The following CDHR2 variants were observed in gnomAD, a reference collection of about 807,000 sequenced individuals.
CDHR2 encodes the protein cadherin-related family member 2.
Under a neutral mutation model 138.6 loss-of-function variants are expected in CDHR2, and 104 were observed. The ratio of observed to expected loss-of-function variants is 0.75; its 90% confidence interval spans 0.64 to 0.88. The LOEUF (loss-of-function observed/expected upper bound fraction) is 0.88, where lower values mean the gene tolerates loss of function less well. Ranked by LOEUF, CDHR2 falls within the 40% of genes least tolerant of loss-of-function variation. The pLI, the probability that CDHR2 is intolerant of heterozygous loss-of-function variation, is 0.00. For synonymous variants in CDHR2, 755 were observed against 742.8 expected (o/e 1.02, Z -0.27); for missense variants, 1,624 against 1,727.6 (o/e 0.94, Z 1.06).
Position 176,553,189 on chromosome 5 carries a change from C to T in CDHR2, c.-16+3775C>T, listed in dbSNP as rs1757746228. The stretch of plus-strand genomic sequence containing the variant: ...TCTCAACATCACATGTTTGTGGGCT[C>T]AGCATGACCTGTGGGAAAATCGGGC... On this transcript the variant is annotated intron_variant, in intron 1 of 31. Coordinates refer to ENST00000261944, the MANE Select transcript of CDHR2 (RefSeq NM_017675.6). This position sits in a 1 kb window ranked among gnomAD's most constrained non-coding sequence, Gnocchi z 4.3. Among the ~76,000 whole-genome samples, 1 of 152,106 alleles carries T rather than the reference C, an allele frequency of 6.6e-6. No individual in the cohort carries two copies. The highest frequency in any genetic ancestry group is 1.5e-5 in the Non-Finnish European group (1 of 68,016).
chr5:176,591,216 C>T lies in CDHR2; in HGVS notation c.3546C>T (p.Asn1182=), dbSNP rs764943749. Residue 1182 remains asparagine (N), a synonymous_variant, in exon 29 of 32, where the codon AAC becomes AAT. Transcript: ENST00000261944. ...CTCTTCCGGTTCCCCACAGCTACAA[C>T]CGGAAGCTTCAAGCTATGAAGGCTG... ...MAFVCVRKSY[N]RKLQAMKAAK... is the part of the protein sequence containing the mutation. The T allele has an allele frequency of 1.9e-6, 3 of 1,612,338 alleles. No homozygotes were observed. Among genetic ancestry groups the T allele is most frequent in the Non-Finnish European group, 1.7e-6 (2 of 1,178,638 alleles).
At position 176,568,786 on chromosome 5, in the gene CDHR2, A is replaced by G. The variant is rs760097080; in HGVS notation, c.233A>G (p.Glu78Gly). 4 of 1,614,144 alleles carry G rather than the reference A, an allele frequency of 2.5e-6. No homozygotes were observed. The East Asian group carries it at 8.9e-5, about 36-fold the overall frequency. ...TTCGCTGTCACTCCGAAAACTGGGGAAGTGAAGCTGGCCAGCGCTCTGGAC... is the reference window on the plus strand; with the variant it reads ...TTCGCTGTCACTCCGAAAACTGGGGGAGTGAAGCTGGCCAGCGCTCTGGAC... ...YFFAVTPKTG[E>G]VKLASALDYE... Residue 78 changes from glutamate to glycine, a missense_variant, in exon 4 of 32, where the codon GAA becomes GGA. Transcript: ENST00000261944.
intron 7 of CDHR2, among the ~76,000 whole-genome samples, chr5:176,574,792 G>A (rs1033115956): frequency 6.6e-6 from 1 of 152,216 alleles, no homozygotes; most frequent in African/African-American, 2.4e-5. Context: ...CGCAACCATT[G>A]TGAGTGAGCC....
At chr5:176,547,928 TAAC>T (rs1024191031), upstream of CDHR2, among the ~76,000 whole-genome samples, 3 of 152,158 alleles carry the variant, frequency 2.0e-5, no homozygotes, top group African/African-American at 7.2e-5. Flanking sequence ...ACACAACCCT[TAAC>T]AACGGGGACA....
intron 7 of CDHR2, 64 bp from the exon 8 acceptor site, chr5:176,575,020 C>A: frequency 6.3e-7 from 1 of 1,595,594 alleles, no homozygotes; most frequent in South Asian, 1.1e-5. Context: ...CTGCGTTGCT[C>A]AGAGTGGGGT....
At chr5:176,582,209 G>A (rs776887772) in intron 17 of CDHR2, among the ~76,000 whole-genome samples, 2 of 151,892 alleles carry the variant, frequency 1.3e-5, no homozygotes, top group South Asian at 4.2e-4. Flanking sequence ...TTGTAGAGAT[G>A]GGGTTTTTCC....
chr5:176,576,204 G>C lies in CDHR2; in HGVS notation c.1194+19G>C. On this transcript the variant is annotated intron_variant, in intron 12 of 31. Coordinates refer to ENST00000261944, the MANE Select transcript of CDHR2 (RefSeq NM_017675.6). The surrounding 1 kb of genome is among the most constrained non-coding windows in gnomAD (Gnocchi z 4.5). Reference sequence around the variant, plus strand: ...GGACAAGGCAGGCGTGGTGGCGTGGGTGTGGGCGGGGGTGGCTGGGGGAGG... The same window carrying C: ...GGACAAGGCAGGCGTGGTGGCGTGGCTGTGGGCGGGGGTGGCTGGGGGAGG... The C allele has an allele frequency of 1.3e-6, 2 of 1,582,824 alleles. No homozygotes were observed. The highest frequency in any genetic ancestry group is 2.2e-5 in the South Asian group (2 of 89,950).
In CDHR2 at chr5:176,581,964, C is replaced by T. The variant is rs148832917; in HGVS notation, c.2058+382C>T. On this transcript the variant is annotated intron_variant, in intron 17 of 31. Transcript: ENST00000261944. ...AGCATTGCTGGTGTCTATTGCACAT[C>T]AGGGCATCCGCCAAGGTTGGGATGG... 7.7e-3 allele frequency among the ~76,000 whole-genome samples: 1,176 copies of T among 152,302 alleles called. 13 individuals carry two copies. The highest frequency in any genetic ancestry group is 0.026 in the African/African-American group (1,072 of 41,558).
At chr5:176,579,860 C>A (rs1758484703) in intron 16 of CDHR2, among the ~76,000 whole-genome samples, 1 of 152,080 alleles carries the variant, frequency 6.6e-6, no homozygotes, top group African/African-American at 2.4e-5. Flanking sequence ...ACCATTCCTG[C>A]CCCCCAGGCG....
rs775900210 is a variant in CDHR2, at chr5:176,584,744, T to C, written c.2463T>C (p.Asn821=). 6 of 1,614,094 alleles carry C rather than the reference T, an allele frequency of 3.7e-6. No homozygotes were observed. In the African/African-American group the frequency reaches 5.3e-5, roughly 14 times the overall value. The change falls in exon 19 of 32, where the codon AAT becomes AAC. Residue 821 remains asparagine, a synonymous_variant. Transcript: ENST00000261944. ...ASLRGIRVAE[N]GSQHGQVAVV... ...TCCGGGGCATCCGTGTGGCTGAGAA[T>C]GGCTCACAGCACGGCCAGGTGGCTG...
At position 176,585,015 on chromosome 5, in the gene CDHR2, G is replaced by A. The variant is rs1758627450; in HGVS notation, c.2734G>A (p.Gly912Arg). Residue 912 changes from glycine to arginine, a missense_variant and splice_region_variant, in exon 19 of 32, where the codon GGA becomes AGA. Around this residue, in one of 3 missense-constraint regions of CDHR2, gnomAD observed 556 missense variants for 565.7 expected, o/e 0.98. Coordinates refer to ENST00000261944, the MANE Select transcript of CDHR2 (RefSeq NM_017675.6). ...DPGFQAYSNN[G>R]SLLITIEDVN... is the part of the protein sequence containing the mutation. Reference sequence around the variant, plus strand: ...CGGCTTCCAGGCCTACAGCAACAATGGTAAGGCAGCCTGTCCTTGCAGGGC... The same window carrying A: ...CGGCTTCCAGGCCTACAGCAACAATAGTAAGGCAGCCTGTCCTTGCAGGGC... 6.5e-7 allele frequency: 1 copy of A among 1,541,742 alleles called. No homozygotes were observed. Among genetic ancestry groups the A allele is most frequent in the South Asian group, 1.2e-5 (1 of 84,142 alleles).
chr5:176,560,636 A>C (rs889625108), intron 1 of CDHR2, among the ~76,000 whole-genome samples: 2 of 152,168 alleles, frequency 1.3e-5, no homozygotes, highest in African/African-American at 4.8e-5. Context: ...ACTCGTCTGT[A>C]GTCTGTCTCA....
rs760362597 is a variant in CDHR2, at chr5:176,589,556, C to T, written c.3146C>T (p.Ser1049Leu). Residue 1049 changes from serine to leucine, a missense_variant, in exon 24 of 32, where the codon TCG (serine) becomes TTG (leucine). Coordinates refer to ENST00000261944, the MANE Select transcript of CDHR2 (RefSeq NM_017675.6). ...TTCACCGTGGACCAGAGTTACCGCT[C>T]GCGGCTGCAGTTCTCCACACCGAAG... ...NLFTVDQSYR[S>L]RLQFSTPKEE... 2.9e-5 allele frequency: 47 copies of T among 1,613,944 alleles called. No individual in the cohort carries two copies. Among genetic ancestry groups the T allele is most frequent in the Non-Finnish European group, 3.4e-5 (40 of 1,180,026 alleles).
chr5:176,570,045 T>C (rs1364359426), intron 5 of CDHR2, among the ~76,000 whole-genome samples: 2 of 152,184 alleles, frequency 1.3e-5, no homozygotes, highest in Non-Finnish European at 2.9e-5. Flanking sequence ...ACCGTTACTG[T>C]ATGCTTTGAC....
chr5:176,550,746 T>A (rs1231199217), intron 1 of CDHR2, among the ~76,000 whole-genome samples: 1 of 152,196 alleles, frequency 6.6e-6, no homozygotes, highest in Non-Finnish European at 1.5e-5. Context: ...CTCCCCACAC[T>A]GAAGGAGGAC....
In CDHR2 at chr5:176,578,583, A is replaced by G. The variant is rs1758459705; in HGVS notation, c.1793A>G (p.Glu598Gly). 6.2e-7 allele frequency: 1 copy of G among 1,612,762 alleles called. No homozygotes were observed. The highest frequency in any genetic ancestry group is 1.7e-5 in the Admixed American group (1 of 59,998). ...GSYNIFVQEE[E>G]GNVSVTIQAH... is the part of the protein sequence containing the mutation. ...TACAACATCTTCGTCCAGGAGGAGG[A>G]GGGCAATGTCTCCGTGACCATCCAG... is the stretch of plus-strand genomic sequence containing the variant. Residue 598 changes from glutamate to glycine, a missense_variant, in exon 16 of 32, where the codon GAG (glutamate) becomes GGG (glycine). By Grantham distance (98) the Glu-to-Gly change is moderately conservative (BLOSUM62 -2). Around this residue, in one of 3 missense-constraint regions of CDHR2, gnomAD observed 1,061 missense variants for 1,136.6 expected, o/e 0.93. Transcript: ENST00000261944.
chr5:176,589,347 ACT>A lies in CDHR2; in HGVS notation c.3028_3029del (p.Ser1010HisfsTer58). Reference sequence around the variant, plus strand: ...TTCCGCAGGCCGGTGACCAGCCTCGACTCCACTCTCCAAGGCACCTACCAAGT... The same window carrying A: ...TTCCGCAGGCCGGTGACCAGCCTCGACCACTCTCCAAGGCACCTACCAAGT... On this transcript the variant is annotated frameshift_variant, in exon 23 of 32. Coordinates refer to ENST00000261944, the MANE Select transcript of CDHR2 (RefSeq NM_017675.6). LOFTEE classifies it high-confidence loss of function. 1 of 1,554,216 alleles carries A rather than the reference ACT, an allele frequency of 6.4e-7. No homozygotes were observed.
chr5:176,588,907 T>TG (rs1356393990), intron 21 of CDHR2, 124 bp from the exon 22 acceptor site: 6 of 934,270 alleles, frequency 6.4e-6, no homozygotes, highest in Admixed American at 4.5e-5. Context: ...CGGGGCAGCG[T>TG]GGGGATGGCG....
intron 1 of CDHR2, among the ~76,000 whole-genome samples, chr5:176,557,109 G>A (rs1178671944): frequency 6.6e-6 from 1 of 151,526 alleles, no homozygotes; most frequent in Non-Finnish European, 1.5e-5. Flanking sequence ...TCAAACTCCC[G>A]GGCTCAAGCA....
Sources: allele counts gnomAD v4.1 joint callset (sites outside exome capture counted in the v4.1 genomes callset), GRCh38; gene constraint gnomAD v4.1.1; regional missense constraint gnomAD v4.1.1; non-coding constraint Gnocchi (gnomAD v3.1); transcripts MANE v1.5; gene names NCBI Gene and HGNC (gene_info 2026-07-23, HGNC 2026-07-21).